Variants in MSRA observed in about 807,000 individuals in gnomAD.
MSRA encodes the protein methionine sulfoxide reductase A, also known as mitochondrial peptide methionine sulfoxide reductase.
MSRA carries 54 observed loss-of-function variants against 31.3 expected under a neutral mutation model. The observed-to-expected ratio is 1.73, with a 90% CI of 1.39 to 2.17. The LOEUF (loss-of-function observed/expected upper bound fraction) is 2.17, where lower values mean the gene tolerates loss of function less well. MSRA is among the 30% of genes most tolerant of loss of function. The pLI is 0.00. For missense variants in MSRA, 507 were observed against 300.9 expected (o/e 1.69, Z -5.07); for synonymous variants, 169 against 116.5 (o/e 1.45, Z -2.90).
intron 5 of MSRA, chr8:10,337,167 A>G (rs1431520176): frequency 6.5e-6 from 1 of 152,910 alleles, no homozygotes; most frequent in African/African-American, 2.4e-5. Flanking sequence ...CAGCAGCTCT[A>G]GAAGCCTATG....
chr8:10,373,142 C>A (rs372123049), intron 5 of MSRA, among the ~76,000 whole-genome samples: 61 of 152,250 alleles, frequency 4.0e-4, no homozygotes, highest in African/African-American at 1.4e-3. Flanking sequence ...CTACCCTCTT[C>A]GGCCTCCCAA....
chr8:10,413,034 G>A (rs965066157), intron 5 of MSRA, among the ~76,000 whole-genome samples: 3 of 152,224 alleles, frequency 2.0e-5, no homozygotes, highest in African/African-American at 7.2e-5. Context: ...GTTTACAGCA[G>A]CTTTGTTCAT....
Position 10,155,188 on chromosome 8 carries a change from A to G in MSRA, c.143-52645A>G, listed in dbSNP as rs112776124. On this transcript the variant is annotated intron_variant, in intron 1 of 5. Coordinates refer to ENST00000317173, the MANE Select transcript of MSRA (RefSeq NM_012331.5). The stretch of plus-strand genomic sequence containing the variant: ...AAAGAAATACTGAACTTTTTTAAGT[A>G]GGCTTATGTCGGTAGGGATATTGAT... Among the ~76,000 whole-genome samples, 865 of 152,238 alleles carry G rather than the reference A, an allele frequency of 5.7e-3. 8 individuals are homozygous for G. Among genetic ancestry groups the G allele is most frequent in the African/African-American group, 0.02 (817 of 41,538 alleles).
chr8:10,153,328 C>A (rs1443684740), intron 1 of MSRA, among the ~76,000 whole-genome samples: 1 of 152,032 alleles, frequency 6.6e-6, no homozygotes, highest in South Asian at 2.1e-4. Context: ...TGTTCTTTCC[C>A]CCTTGCCTTC....
rs10113001 is a variant in MSRA at position 10,090,677 on chromosome 8, C to T, written c.142+36019C>T. ...CAAAAGGAAACCCCATAGTCATTGG[C>T]AGTCACTTCCAATTCTTCCCTCTGC... On this transcript the variant is annotated intron_variant, in intron 1 of 5. Transcript: ENST00000317173. Among the ~76,000 whole-genome samples the T allele has an allele frequency of 1.4e-3, 215 of 152,334 alleles. 3 individuals are homozygous for T. The highest frequency in any genetic ancestry group is 4.8e-3 in the African/African-American group (199 of 41,580).
chr8:10,257,720 C>G (rs1798257104), intron 3 of MSRA, among the ~76,000 whole-genome samples: 1 of 152,204 alleles, frequency 6.6e-6, no homozygotes, highest in South Asian at 2.1e-4. Flanking sequence ...GTACAGTTGT[C>G]TCTCCGTGTT....
At chr8:10,056,870 A>C (rs1281859217) in intron 1 of MSRA, among the ~76,000 whole-genome samples, 2 of 152,154 alleles carry the variant, frequency 1.3e-5, no homozygotes, top group African/African-American at 4.8e-5. Flanking sequence ...GACCCTCAAA[A>C]GTTGCGTGAC....
chr8:10,074,951 G>A (rs565549686), intron 1 of MSRA, among the ~76,000 whole-genome samples: 2 of 152,094 alleles, frequency 1.3e-5, no homozygotes, highest in Non-Finnish European at 2.9e-5. Context: ...GAGCCACCAC[G>A]CCCGGCACCC....
At chr8:10,313,379 A>G (rs972926350) in intron 4 of MSRA, among the ~76,000 whole-genome samples, 22 of 152,168 alleles carry the variant, frequency 1.4e-4, no homozygotes, top group African/African-American at 5.3e-4. Flanking sequence ...TTATGAAAGA[A>G]ACTTCTATTA....
chr8:10,339,500 T>C (rs1490770838), intron 5 of MSRA, among the ~76,000 whole-genome samples: 1 of 151,760 alleles, frequency 6.6e-6, no homozygotes, highest in Non-Finnish European at 1.5e-5. Flanking sequence ...GTTTGTTTTA[T>C]TCCCTGTTAA....
chr8:10,298,854 A>T (rs1343603050), intron 3 of MSRA, among the ~76,000 whole-genome samples: 11 of 152,104 alleles, frequency 7.2e-5, no homozygotes, highest in Non-Finnish European at 2.9e-5. Context: ...GACAGAGTGA[A>T]TTTTTTGTGC....
intron 5 of MSRA, among the ~76,000 whole-genome samples, chr8:10,381,346 T>C (rs1017810094): frequency 5.9e-5 from 9 of 152,224 alleles, no homozygotes; most frequent in Admixed American, 1.3e-4. Context: ...CTTGCTTGTT[T>C]CACCCTGAGT....
At chr8:10,068,903 C>A (rs1797595167) in intron 1 of MSRA, among the ~76,000 whole-genome samples, 2 of 152,222 alleles carry the variant, frequency 1.3e-5, no homozygotes, top group Non-Finnish European at 2.9e-5. Context: ...AATATTGAAT[C>A]TACCTATTTG....
At chr8:10,070,421 A>G (rs910858683) in intron 1 of MSRA, among the ~76,000 whole-genome samples, 2 of 152,166 alleles carry the variant, frequency 1.3e-5, no homozygotes, top group South Asian at 4.1e-4. Flanking sequence ...TTTTTCAATT[A>G]AGTTTTAAAT....
chr8:10,270,519 C>T (rs1305240341), intron 3 of MSRA, among the ~76,000 whole-genome samples: 3 of 152,010 alleles, frequency 2.0e-5, no homozygotes, highest in East Asian at 1.9e-4. Context: ...AGACTGCCAG[C>T]TTGACAGCAG....
At chr8:10,067,716 A>C (rs921006599) in intron 1 of MSRA, among the ~76,000 whole-genome samples, 11 of 152,174 alleles carry the variant, frequency 7.2e-5, no homozygotes, top group Non-Finnish European at 1.3e-4. Flanking sequence ...GCTATTCCAC[A>C]GACATTTAGT....
At chr8:10,427,969 A>G (rs1809287702) in intron 5 of MSRA, among the ~76,000 whole-genome samples, 179 bp from the exon 6 acceptor site, 2 of 152,236 alleles carry the variant, frequency 1.3e-5, no homozygotes, top group Admixed American at 1.3e-4. Context: ...AGGCACAGCA[A>G]GGTAAGTCCC....
At chr8:10,179,007 T>G (rs181485824) in intron 1 of MSRA, among the ~76,000 whole-genome samples, 1 of 152,304 alleles carries the variant, frequency 6.6e-6, no homozygotes, top group East Asian at 1.9e-4. Context: ...TGCAAATTTC[T>G]GATGCTCTGT....
chr8:10,244,456 A>G (rs1301882491), intron 2 of MSRA, among the ~76,000 whole-genome samples: 1 of 152,160 alleles, frequency 6.6e-6, no homozygotes, highest in Non-Finnish European at 1.5e-5. Context: ...TACTTTTGTG[A>G]GTTTGTTTAT....
Sources: allele counts gnomAD v4.1 joint callset (sites outside exome capture counted in the v4.1 genomes callset), GRCh38; gene constraint gnomAD v4.1.1; transcripts MANE v1.5; gene names NCBI Gene and HGNC (gene_info 2026-07-23, HGNC 2026-07-21).